Variants in NIN observed in about 807,000 individuals in gnomAD.
The protein encoded by NIN is glycogen synthase kinase 3 beta-interacting protein.
Under a neutral mutation model 257.6 loss-of-function variants are expected in NIN, and 137 were observed. The ratio of observed to expected loss-of-function variants is 0.53; its 90% CI spans 0.46 to 0.61. The LOEUF (loss-of-function observed/expected upper bound fraction) is 0.61, where lower values mean the gene tolerates loss of function less well. NIN is among the 20% of genes least tolerant of loss of function. The probability of loss-of-function intolerance (pLI) is 0.00; values close to 1 mark genes in which losing one functional copy is unlikely to be tolerated. For synonymous variants in NIN, 918 were observed against 919.8 expected (o/e 1.00, Z 0.04); for missense variants, 2,439 against 2,501.2 (o/e 0.98, Z 0.53).
chr14:50,756,302 G>T (rs577075290), intron 18 of NIN, among the ~76,000 whole-genome samples, 190 bp downstream of exon 18: 1 of 152,138 alleles, frequency 6.6e-6, no homozygotes, highest in African/African-American at 2.4e-5. Context: ...TTGCTACAGC[G>T]GAAGGGAATG....
In NIN at chr14:50,761,789, C is replaced by T; in HGVS notation, c.1896+1G>A. The T allele has an allele frequency of 6.2e-7, 1 of 1,614,142 alleles. No individual in the cohort carries two copies. The highest frequency in any genetic ancestry group is 8.5e-7 in the Non-Finnish European group (1 of 1,180,010). ...GAAGTGGATTGGTGGGAAGGACTTA[C>T]TTTATCTTCGAGCTCCAGTCTGAGG... is the stretch of plus-strand genomic sequence containing the variant. On this transcript the variant is annotated splice_donor_variant, in intron 16 of 30. Coordinates refer to ENST00000530997, the MANE Select transcript of NIN (RefSeq NM_020921.4). LOFTEE classifies it high-confidence loss of function.
At chr14:50,730,979 G>C (rs1256267827) in intron 28 of NIN, 1 of 1,339,366 alleles carries the variant, frequency 7.5e-7, no homozygotes, top group Admixed American at 1.9e-5. Context: ...TCCAACCACT[G>C]AGTTCTAGGT....
chr14:50,731,610 T>C (rs1007746754), intron 28 of NIN, among the ~76,000 whole-genome samples: 12 of 147,640 alleles, frequency 8.1e-5, no homozygotes, highest in African/African-American at 3.0e-4. Context: ...CCAAGGCAGG[T>C]GGATCACGAG....
At chr14:50,791,807 G>GCACACACAAACACACACACACACA (rs57083345) in intron 5 of NIN, among the ~76,000 whole-genome samples, 43 of 116,772 alleles carry the variant, frequency 3.7e-4, no homozygotes, top group South Asian at 2.4e-3. Context: ...AGGTGCACGC[G>GCACACACAAACACACACACACACA]CACACACACA....
chr14:50,796,777 G>A (rs2043858365), intron 4 of NIN, among the ~76,000 whole-genome samples: 1 of 152,188 alleles, frequency 6.6e-6, no homozygotes, highest in Admixed American at 6.5e-5. Context: ...GCAGTGTGGA[G>A]GGGAGAAACA....
At chr14:50,754,433 T>C in intron 20 of NIN, 130 bp downstream of exon 20, 1 of 738,632 alleles carries the variant, frequency 1.4e-6, no homozygotes, top group Non-Finnish European at 2.2e-6. Context: ...CATTTTCAAA[T>C]TCAGAATTTA....
At chr14:50,782,043 G>A (rs1452439712) in intron 5 of NIN, among the ~76,000 whole-genome samples, 2 of 151,302 alleles carry the variant, frequency 1.3e-5, no homozygotes, top group East Asian at 3.9e-4. Context: ...CATGGGGGAA[G>A]GTTCATCTCA....
chr14:50,771,022 G>C (rs1341252662), intron 10 of NIN, 30 bp from the exon 11 acceptor site: 5 of 1,604,264 alleles, frequency 3.1e-6, no homozygotes, highest in Non-Finnish European at 4.3e-6. Flanking sequence ...GAGTTAATGG[G>C]AAACTGTTTC....
chr14:50,731,327 C>T (rs2040684845), intron 28 of NIN, among the ~76,000 whole-genome samples: 1 of 151,724 alleles, frequency 6.6e-6, no homozygotes, highest in African/African-American at 2.4e-5. Context: ...GTCAGGAGTT[C>T]AAGACCAGCC....
chr14:50,801,908 A>C (rs1181995681), intron 4 of NIN, among the ~76,000 whole-genome samples: 4 of 152,232 alleles, frequency 2.6e-5, no homozygotes, highest in African/African-American at 9.6e-5. Flanking sequence ...ACATCAAGGA[A>C]GAAAGAGCTT....
chr14:50,731,032 G>A, intron 28 of NIN: 5 of 921,644 alleles, frequency 5.4e-6, no homozygotes, highest in Non-Finnish European at 7.7e-6. Flanking sequence ...GAAAATTACA[G>A]GAGTTAGAGA....
At chr14:50,734,678 TTTTCTTTTTC>T (rs1454839687) in intron 28 of NIN, among the ~76,000 whole-genome samples, 1 of 152,056 alleles carries the variant, frequency 6.6e-6, no homozygotes, top group Non-Finnish European at 1.5e-5. Context: ...AATCCATTTT[TTTTCTTTTTC>T]TTTCTTTTTG....
chr14:50,769,965 C>T (rs1040990877), intron 12 of NIN, among the ~76,000 whole-genome samples: 1 of 150,206 alleles, frequency 6.7e-6, no homozygotes, highest in African/African-American at 2.4e-5. Context: ...AAAGAAAAGG[C>T]ACATTTGGAG....
intron 4 of NIN, among the ~76,000 whole-genome samples, chr14:50,797,768 G>C (rs913735206): frequency 2.0e-5 from 3 of 152,122 alleles, no homozygotes; most frequent in African/African-American, 7.2e-5. Flanking sequence ...CAGAGAGACA[G>C]ATATGGAGAG....
intron 7 of NIN, among the ~76,000 whole-genome samples, chr14:50,775,136 G>A (rs552296733): frequency 6.6e-6 from 1 of 152,274 alleles, no homozygotes; most frequent in East Asian, 1.9e-4. Context: ...CTCTCCAAAG[G>A]GGCTGGCTGC....
chr14:50,777,035 A>C lies in NIN; in HGVS notation c.580T>G (p.Leu194Val). The change falls in exon 7 of 31, where the codon TTG becomes GTG. Residue 194 changes from leucine (L) to valine (V), a missense_variant. By Grantham distance (32) the Leu-to-Val change is conservative (BLOSUM62 1). Transcript: ENST00000530997. ...EEKLQEVCED[L>V]GITRDGHLNR... ...AGGTGACCATCACGGGTGATCCCCA[A>C]ATCTTCACAAACTTCTTGCAGTTTC... The C allele has an allele frequency of 6.2e-7, 1 of 1,614,224 alleles. No individual in the cohort carries two copies. Among genetic ancestry groups the C allele is most frequent in the Non-Finnish European group, 8.5e-7 (1 of 1,180,040 alleles).
At chr14:50,779,392 T>C (rs1444766534) in intron 5 of NIN, among the ~76,000 whole-genome samples, 1 of 152,238 alleles carries the variant, frequency 6.6e-6, no homozygotes, top group African/African-American at 2.4e-5. Context: ...TGGGATACTT[T>C]AGACTTGTTA....
chr14:50,792,939 C>A (rs2043664658), intron 4 of NIN, 58 bp from the exon 5 acceptor site: 8 of 1,554,880 alleles, frequency 5.1e-6, no homozygotes, highest in Non-Finnish European at 7.1e-6. Context: ...TTCTTAGCTG[C>A]CACTCACAGC....
rs572894362 is a variant in NIN at position 50,726,230 on chromosome 14, A to G, written c.6079-164T>C. 1.3e-4 allele frequency: 74 copies of G among 584,144 alleles called. No individual in the cohort carries two copies. In the South Asian group the frequency reaches 1.5e-3, roughly 12 times the overall value. 36.2% of individuals were successfully genotyped at this position (584,144 alleles called of 1,614,324 possible). ...GAGTTTTGAGCCCTGCATGGATTGCATATGTCAGAAAAGTAACCCTATCAG... is the reference window on the plus strand; with the variant it reads ...GAGTTTTGAGCCCTGCATGGATTGCGTATGTCAGAAAAGTAACCCTATCAG... On this transcript the variant is annotated intron_variant, in intron 29 of 30. Transcript: ENST00000530997.
Sources: allele counts gnomAD v4.1 joint callset (sites outside exome capture counted in the v4.1 genomes callset), GRCh38; gene constraint gnomAD v4.1.1; transcripts MANE v1.5; gene names NCBI Gene and HGNC (gene_info 2026-07-23, HGNC 2026-07-21).